MICU1: variants seen among roughly 807,000 people sequenced by gnomAD.
MICU1 encodes the protein mitochondrial calcium uptake 1.
A neutral mutation model predicts 56.8 loss-of-function variants in MICU1; 45 were observed. That is an observed-to-expected ratio of 0.79 (90% CI 0.62 to 1.02). The LOEUF (loss-of-function observed/expected upper bound fraction) is 1.02, where lower values mean the gene tolerates loss of function less well. MICU1 is among the 50% of genes least tolerant of loss of function. The pLI, the probability that MICU1 is intolerant of heterozygous loss-of-function variation, is 0.00. For missense variants in MICU1, 504 were observed against 587.1 expected, an observed-to-expected ratio of 0.86 and a Z score of 1.46; for synonymous variants, 186 against 195.1, an observed-to-expected ratio of 0.95 and a Z score of 0.39.
At chr10:72,409,782 A>G (rs1022195863) in intron 9 of MICU1, among the ~76,000 whole-genome samples, 2 of 152,232 alleles carry the variant, frequency 1.3e-5, no homozygotes, top group Admixed American at 6.5e-5. Context: ...AAAAAACTTT[A>G]TTGTGGAATA....
intron 5 of MICU1, among the ~76,000 whole-genome samples, chr10:72,525,404 C>T (rs1867934104): frequency 6.6e-6 from 1 of 152,182 alleles, no homozygotes; most frequent in Admixed American, 6.5e-5. Context: ...CACAAGCCTA[C>T]AGCTGGAACT....
At chr10:72,508,292 C>T (rs1564909413) in intron 5 of MICU1, 23 bp from the exon 6 acceptor site, 1 of 1,068,828 alleles carries the variant, frequency 9.4e-7, no homozygotes. Context: ...TGGGTCCCAC[C>T]AAAAGACAAA....
At chr10:72,396,141 C>T (rs924193724) in intron 10 of MICU1, among the ~76,000 whole-genome samples, 1 of 152,228 alleles carries the variant, frequency 6.6e-6, no homozygotes, top group African/African-American at 2.4e-5. Context: ...CCCAGGCAAA[C>T]AGGGTCTGGA....
intron 8 of MICU1, among the ~76,000 whole-genome samples, chr10:72,437,947 T>C (rs1394023003): frequency 3.9e-5 from 6 of 152,080 alleles, no homozygotes; most frequent in Non-Finnish European, 8.8e-5. Flanking sequence ...ACAATAATAA[T>C]GGGAGACTTT....
At chr10:72,512,244 G>A (rs1055398388) in intron 5 of MICU1, among the ~76,000 whole-genome samples, 3 of 151,018 alleles carry the variant, frequency 2.0e-5, no homozygotes, top group East Asian at 3.9e-4. Flanking sequence ...CCCAAGTAGC[G>A]GGATTACAGG....
At chr10:72,402,686 C>T (rs1863494728) in intron 10 of MICU1, among the ~76,000 whole-genome samples, 1 of 152,162 alleles carries the variant, frequency 6.6e-6, no homozygotes, top group Non-Finnish European at 1.5e-5. Flanking sequence ...GAAATAAACA[C>T]ATTTTTAGAT....
At chr10:72,376,503 G>A (rs747660214) in intron 10 of MICU1, among the ~76,000 whole-genome samples, 2 of 152,020 alleles carry the variant, frequency 1.3e-5, no homozygotes, top group Admixed American at 6.6e-5. Context: ...AAATTAGCCC[G>A]GCATGGTGGT....
intron 1 of MICU1, among the ~76,000 whole-genome samples, chr10:72,579,509 G>A (rs1840842458): frequency 6.6e-6 from 1 of 152,120 alleles, no homozygotes; most frequent in Non-Finnish European, 1.5e-5. Context: ...AATCTGAAAT[G>A]CCCTAAAATC....
intron 10 of MICU1, among the ~76,000 whole-genome samples, chr10:72,382,518 T>C (rs1057120702): frequency 4.6e-5 from 7 of 151,948 alleles, no homozygotes; most frequent in Non-Finnish European, 1.0e-4. Context: ...CAGGAAGGAG[T>C]GCTAAGGCCT....
chr10:72,400,722 G>A (rs1053635653), intron 10 of MICU1, among the ~76,000 whole-genome samples: 2 of 151,918 alleles, frequency 1.3e-5, no homozygotes, highest in Admixed American at 6.6e-5. Context: ...CTCCAACCTG[G>A]GCAACAAGAG....
chr10:72,396,428 A>C (rs565841036), intron 10 of MICU1, among the ~76,000 whole-genome samples: 1 of 152,370 alleles, frequency 6.6e-6, no homozygotes, highest in East Asian at 1.9e-4. Flanking sequence ...AGCTAGACGG[A>C]GAATGACTTT....
intron 9 of MICU1, among the ~76,000 whole-genome samples, chr10:72,412,009 A>T (rs1345038128): frequency 6.6e-6 from 1 of 152,192 alleles, no homozygotes; most frequent in Non-Finnish European, 1.5e-5. Flanking sequence ...GCACTTACTA[A>T]TCACTTATCA....
chr10:72,457,851 C>A lies in MICU1; in HGVS notation c.933+17249G>T, dbSNP rs139494519. Among the ~76,000 whole-genome samples, 607 of 152,094 alleles carry A rather than the reference C, an allele frequency of 4.0e-3. 6 individuals are homozygous for A. The highest frequency in any genetic ancestry group is 0.014 in the African/African-American group (577 of 41,516). ...TTTCTCAGTTTGCTGTTTGACCAAC[C>A]TTAATAGCAAAGAAATTCCATGAAA... On this transcript the variant is annotated intron_variant, in intron 8 of 11. Coordinates refer to ENST00000361114, the MANE Select transcript of MICU1 (RefSeq NM_001195518.2).
At chr10:72,533,090 T>C (rs1486041834) in intron 5 of MICU1, 1 of 1,289,812 alleles carries the variant, frequency 7.8e-7, no homozygotes, top group Non-Finnish European at 1.0e-6. Flanking sequence ...AGTGCTTTCT[T>C]CCTCCTCTGT....
chr10:72,438,647 T>A (rs1034469066), intron 8 of MICU1, among the ~76,000 whole-genome samples: 2 of 151,166 alleles, frequency 1.3e-5, no homozygotes, highest in East Asian at 1.9e-4. Flanking sequence ...ATTGATAGAC[T>A]GCTAGCAAGA....
intron 10 of MICU1, among the ~76,000 whole-genome samples, chr10:72,403,792 A>T (rs1390588095): frequency 6.6e-6 from 1 of 151,472 alleles, no homozygotes; most frequent in East Asian, 1.9e-4. Flanking sequence ...AGTAGTTGGG[A>T]CTACAGTCGC....
intron 10 of MICU1, among the ~76,000 whole-genome samples, chr10:72,384,116 C>T (rs965341339): frequency 2.0e-5 from 3 of 152,180 alleles, no homozygotes; most frequent in African/African-American, 7.2e-5. Context: ...GCCTCAGCCT[C>T]GGAAGTAGCT....
intron 4 of MICU1, among the ~76,000 whole-genome samples, chr10:72,548,315 A>G (rs1243406431): frequency 2.0e-5 from 3 of 152,250 alleles, no homozygotes; most frequent in Non-Finnish European, 4.4e-5. Flanking sequence ...CTGAAGAGAC[A>G]TATCAATCAA....
At chr10:72,519,719 G>T (rs1414533) in intron 5 of MICU1, among the ~76,000 whole-genome samples, 5 of 151,982 alleles carry the variant, frequency 3.3e-5, no homozygotes, top group Non-Finnish European at 5.9e-5. Flanking sequence ...AAATAGGGTT[G>T]GTAATTTTGC....
Sources: gnomAD v4.1 joint callset for allele counts (sites outside exome capture counted in the v4.1 genomes callset) on GRCh38, gnomAD v4.1.1 for gene constraint, MANE v1.5 for transcripts, NCBI Gene and HGNC (gene_info 2026-07-23, HGNC 2026-07-21) for gene names.